Variants in TBX10 observed in about 807,000 individuals in gnomAD.
TBX10 encodes T-box transcription factor 10.
A neutral mutation model predicts 32.4 loss-of-function variants in TBX10; 26 were observed. The ratio of observed to expected loss-of-function variants is 0.80; its 90% CI spans 0.59 to 1.11. TBX10 has a LOEUF of 1.11. TBX10 is among the 50% of genes most tolerant of loss of function. The pLI, the probability that TBX10 is intolerant of heterozygous loss-of-function variation, is 0.00. For synonymous variants in TBX10, 195 were observed against 203.1 expected, an observed-to-expected ratio of 0.96 and a Z score of 0.34; for missense variants, 490 against 494.5, an observed-to-expected ratio of 0.99 and a Z score of 0.09.
At position 67,639,699 on chromosome 11, in the gene TBX10, C is replaced by T. The variant is rs563088883; in HGVS notation, c.-227G>A. ...CTACTCGAGCTGGACCCCTGGTCTC[C>T]GAAGGTGAGATGCAGGCTCTGGGGC... On this transcript the variant is annotated 5_prime_UTR_variant, in exon 1 of 8. Coordinates refer to ENST00000335385, the MANE Select transcript of TBX10 (RefSeq NM_005995.5). 2.2e-5 allele frequency: 14 copies of T among 643,700 alleles called. No individual in the cohort carries two copies. The highest frequency in any genetic ancestry group is 3.4e-5 in the Non-Finnish European group (12 of 357,370). The allele number at this position is 643,700 out of a possible 1,614,324, so 39.9% of individuals were successfully genotyped here.
Position 67,634,904 on chromosome 11 carries a change from G to T in TBX10, c.289C>A (p.Pro97Thr), listed in dbSNP as rs749320539. 3.7e-6 allele frequency: 6 copies of T among 1,613,294 alleles called. No individual in the cohort carries two copies. Among genetic ancestry groups the T allele is most frequent in the South Asian group, 1.1e-5 (1 of 91,092 alleles). ...ATGCCCAGGATCTTCACCTGGAAGG[G>T]GGGGAACATCCTCCTGCGGGAGGGA... is the stretch of plus-strand genomic sequence containing the variant. Reference protein sequence around the residue: ...VTKAGRRMFPPFQVKILGMDS... With the variant: ...VTKAGRRMFPTFQVKILGMDS... Residue 97 changes from proline (P) to threonine (T), a missense_variant, in exon 3 of 8, where the codon CCC (proline) becomes ACC (threonine). By Grantham distance (38) the Pro-to-Thr change is conservative (BLOSUM62 -1). This residue lies in a region of TBX10 where 307 missense variants were observed against 294.9 expected (regional missense o/e 1.04). Transcript: ENST00000335385.
rs540827796 is a variant in TBX10, at chr11:67,639,751, C to T, written c.-279G>A. On this transcript the variant is annotated 5_prime_UTR_variant, in exon 1 of 8. Coordinates refer to ENST00000335385, the MANE Select transcript of TBX10 (RefSeq NM_005995.5). ...TGCAGCGGCCCTTCTCCAAGCCACT[C>T]TCGGGCTGTGCTGTCCAAGGCTGTG... Among the ~76,000 whole-genome samples, 34 of 152,338 alleles carry T rather than the reference C, an allele frequency of 2.2e-4. No individual in the cohort carries two copies. The highest frequency in any genetic ancestry group is 8.2e-4 in the African/African-American group (34 of 41,574).
Position 67,633,122 on chromosome 11 carries a change from A to AGGGGTACAGGGGTGAGGC in TBX10, c.550-37_550-20dup. 6.2e-7 allele frequency: 1 copy of AGGGGTACAGGGGTGAGGC among 1,610,396 alleles called. No homozygotes were observed. The highest frequency in any genetic ancestry group is 8.5e-7 in the Non-Finnish European group (1 of 1,177,432). ...GAATGATCTGTGGAAGGGACAGAGC[A>AGGGGTACAGGGGTGAGGC]GGGGTACAGGGGTGAGGCGGAGTAC... On this transcript the variant is annotated intron_variant, in intron 4 of 7. Transcript: ENST00000335385.
chr11:67,632,198 A>G, intron 7 of TBX10, 120 bp downstream of exon 7: 1 of 1,200,350 alleles, frequency 8.3e-7, no homozygotes, highest in Non-Finnish European at 1.2e-6. Context: ...CCGTGTGTCC[A>G]CACAGGGGCC....
At chr11:67,636,363 G>A (rs1231279900) in intron 1 of TBX10, among the ~76,000 whole-genome samples, 1 of 151,548 alleles carries the variant, frequency 6.6e-6, no homozygotes, top group Non-Finnish European at 1.5e-5. Flanking sequence ...GATTACAGGT[G>A]TGAGCCACTA....
chr11:67,631,439 G>A lies in TBX10; in HGVS notation c.*166C>T, dbSNP rs929932357. Reference sequence around the variant, plus strand: ...AAGTCCTGGTTCCAAGCTTGCCATGGTCCCAGCCTTGCTGTGACCCTGGGC... The same window carrying A: ...AAGTCCTGGTTCCAAGCTTGCCATGATCCCAGCCTTGCTGTGACCCTGGGC... On this transcript the variant is annotated 3_prime_UTR_variant, in exon 8 of 8. Coordinates refer to ENST00000335385, the MANE Select transcript of TBX10 (RefSeq NM_005995.5). The A allele has an allele frequency of 4.7e-6, 4 of 858,290 alleles. No homozygotes were observed. The African/African-American group carries it at 6.8e-5, about 15-fold the overall frequency. The allele number at this position is 858,290 out of a possible 1,614,324, so 53.2% of individuals were successfully genotyped here.
chr11:67,639,901 C>T (rs142636455), upstream of TBX10, among the ~76,000 whole-genome samples: 24 of 152,290 alleles, frequency 1.6e-4, no homozygotes, highest in East Asian at 4.6e-3. Flanking sequence ...ATCGATGGGC[C>T]CAGGCGTGGC....
rs760065087 is a variant in TBX10 at position 67,639,522 on chromosome 11, C to T, written c.-50G>A. The T allele has an allele frequency of 2.5e-6, 4 of 1,610,490 alleles. No homozygotes were observed. The highest frequency in any genetic ancestry group is 3.4e-6 in the Non-Finnish European group (4 of 1,178,760). On this transcript the variant is annotated 5_prime_UTR_variant, in exon 1 of 8. Coordinates refer to ENST00000335385, the MANE Select transcript of TBX10 (RefSeq NM_005995.5). Reference sequence around the variant, plus strand: ...CTGGAGAAACACTGCTTGGCTGGGGCTGGGAACCTGCCTGCTGGAAGGGGT... The same window carrying T: ...CTGGAGAAACACTGCTTGGCTGGGGTTGGGAACCTGCCTGCTGGAAGGGGT...
At chr11:67,634,441 G>A in intron 3 of TBX10, 81 bp from the exon 4 acceptor site, 2 of 1,533,074 alleles carry the variant, frequency 1.3e-6, no homozygotes, top group South Asian at 2.3e-5. Flanking sequence ...AGGGGCTGCT[G>A]CCGACTCCAA....
chr11:67,634,375 G>A lies in TBX10; in HGVS notation c.378-15C>T, dbSNP rs773216675. On this transcript the variant is annotated splice_polypyrimidine_tract_variant and intron_variant, in intron 3 of 7. Transcript: ENST00000335385. ...GGAAGGCATACCTGGGGAGCACAGC[G>A]AGGTGGTGAGGGCTTCCCCAACCAG... is the stretch of plus-strand genomic sequence containing the variant. 8.1e-6 allele frequency: 13 copies of A among 1,599,802 alleles called. No individual in the cohort carries two copies. In the African/African-American group the frequency reaches 1.3e-4, roughly 16 times the overall value.
chr11:67,633,003 G>T lies in TBX10; in HGVS notation c.650C>A (p.Ser217Tyr). The T allele has an allele frequency of 6.2e-7, 1 of 1,614,226 alleles. No homozygotes were observed. Residue 217 changes from serine (S) to tyrosine (Y), a missense_variant, in exon 5 of 8, where the codon TCC becomes TAC. By Grantham distance (144) the Ser-to-Tyr change is moderately radical. Transcript: ENST00000335385. The stretch of plus-strand genomic sequence containing the variant: ...GAACTGGGTCTCTGTGAAGATGAAG[G>T]ACTTGAAGTTCTCCTGGGCATAGCG... ...SERYAQENFKSFIFTETQFTA... is the reference protein window; with the variant it reads ...SERYAQENFKYFIFTETQFTA...
At chr11:67,641,732 G>C (rs768355832), upstream of TBX10, among the ~76,000 whole-genome samples, 1 of 152,262 alleles carries the variant, frequency 6.6e-6, no homozygotes, top group Non-Finnish European at 1.5e-5. Flanking sequence ...GGTGCGGGCA[G>C]TGAGGCTGCA....
Position 67,631,738 on chromosome 11 carries a change from C to T in TBX10, c.1025G>A (p.Arg342Lys), listed in dbSNP as rs751471550. The change falls in exon 8 of 8, where the codon AGG (arginine) becomes AAG (lysine). Residue 342 changes from arginine (R) to lysine (K), a missense_variant. This residue lies in a region of TBX10 where 177 missense variants were observed against 176.6 expected (regional missense o/e 1.00). Transcript: ENST00000335385. ...SGAPSHLGIPRTRPAPYPLPN... is the reference protein window; with the variant it reads ...SGAPSHLGIPKTRPAPYPLPN... ...GAGGGGGTATGGTGCTGGTCGGGTCCTTGGGATCCCTAGGTGGCTCGGGGC... is the reference window on the plus strand; with the variant it reads ...GAGGGGGTATGGTGCTGGTCGGGTCTTTGGGATCCCTAGGTGGCTCGGGGC... 5.4e-5 allele frequency: 87 copies of T among 1,610,170 alleles called. No individual in the cohort carries two copies. The highest frequency in any genetic ancestry group is 7.1e-5 in the Non-Finnish European group (84 of 1,178,704).
In TBX10 at chr11:67,635,146, C is replaced by G. The variant is rs758475508; in HGVS notation, c.125G>C (p.Ser42Thr). ...GSPFPSGPCT[S>T]STGAQAVAEP... ...GGCCACAGCTTGGGCCCCAGTAGAG[C>G]TGGTGCAAGGGCCTGATGGGAATGG... Residue 42 changes from serine (S) to threonine (T), a missense_variant, in exon 2 of 8, where the codon AGC becomes ACC. Physicochemically the swap from Ser to Thr is moderately conservative, Grantham distance 58. Transcript: ENST00000335385. The G allele has an allele frequency of 2.5e-6, 4 of 1,613,712 alleles. No homozygotes were observed. Among genetic ancestry groups the G allele is most frequent in the African/African-American group, 2.7e-5 (2 of 74,946 alleles).
At chr11:67,634,468 T>A in intron 3 of TBX10, 108 bp from the exon 4 acceptor site, 1 of 1,324,700 alleles carries the variant, frequency 7.5e-7, no homozygotes, top group Non-Finnish European at 1.0e-6. Flanking sequence ...TCACCCCACC[T>A]GGTGGGCACC....
chr11:67,634,445 A>C lies in TBX10; in HGVS notation c.378-85T>G, dbSNP rs938124131. On this transcript the variant is annotated intron_variant, in intron 3 of 7. Transcript: ENST00000335385. ...AGGCGGGGTGAAGGGGCTGCTGCCG[A>C]CTCCAACACTGCTCACCCCACCTGG... 3 of 1,501,750 alleles carry C rather than the reference A, an allele frequency of 2.0e-6. No individual in the cohort carries two copies. In the South Asian group the frequency reaches 3.5e-5, roughly 17 times the overall value. The allele number at this position is 1,501,750 out of a possible 1,614,324, so 93.0% of individuals were successfully genotyped here. A position where few individuals can be genotyped will look rare whatever the true frequency, so the allele number is the denominator to read the frequency against.
Position 67,632,967 on chromosome 11 carries a change from G to A in TBX10, c.686C>T (p.Thr229Ile). 1 of 1,614,222 alleles carries A rather than the reference G, an allele frequency of 6.2e-7. No homozygotes were observed. The highest frequency in any genetic ancestry group is 8.5e-7 in the Non-Finnish European group (1 of 1,180,012). ...ACCCACCCTGTGGTTCTGATAGGCT[G>A]TCACTGCTGTGAACTGGGTCTCTGT... is the stretch of plus-strand genomic sequence containing the variant. ...IFTETQFTAV[T>I]AYQNHRITQL... Residue 229 changes from threonine to isoleucine, a missense_variant, in exon 5 of 8, where the codon ACA becomes ATA. Around this residue, in one of 3 missense-constraint regions of TBX10, gnomAD observed 6 missense variants for 23.1 expected, o/e 0.26. Coordinates refer to ENST00000335385, the MANE Select transcript of TBX10 (RefSeq NM_005995.5).
At chr11:67,632,567 TG>T (rs1258600548) in intron 6 of TBX10, 35 bp downstream of exon 6, 3 of 1,605,946 alleles carry the variant, frequency 1.9e-6, no homozygotes, top group South Asian at 2.2e-5. Context: ...ATGCCTGGGG[TG>T]GGGGTGAGGG....
chr11:67,639,401 T>TTCCC, intron 1 of TBX10, 65 bp downstream of exon 1: 2 of 213,932 alleles, frequency 9.3e-6, no homozygotes, highest in South Asian at 3.7e-5. Flanking sequence ...GTTCCCACCC[T>TTCCC]GCCCACCCAC....
Sources: allele counts gnomAD v4.1 joint callset (sites outside exome capture counted in the v4.1 genomes callset), GRCh38; gene constraint gnomAD v4.1.1; regional missense constraint gnomAD v4.1.1; transcripts MANE v1.5; gene names NCBI Gene and HGNC (gene_info 2026-07-23, HGNC 2026-07-21).